The following GPX3 variants were observed in gnomAD, a reference collection of about 807,000 sequenced individuals.
The protein encoded by GPX3 is glutathione peroxidase 3, also known as GPx-3.
Under a neutral mutation model 25.1 loss-of-function variants are expected in GPX3, and 22 were observed. That is an observed-to-expected ratio of 0.88 (90% CI 0.63 to 1.25). GPX3 has a LOEUF of 1.25. Ranked by LOEUF, GPX3 falls within the 50% of genes most tolerant of loss-of-function variation. GPX3 has a pLI of 0.00. For synonymous variants in GPX3, 110 were observed against 114.5 expected, an observed-to-expected ratio of 0.96 and a Z score of 0.25; for missense variants, 278 against 286.6, an observed-to-expected ratio of 0.97 and a Z score of 0.22.
Position 151,022,329 on chromosome 5 carries a change from C to T in GPX3, c.87+1588C>T, listed in dbSNP as rs187146381. 4.8e-3 allele frequency among the ~76,000 whole-genome samples: 730 copies of T among 152,268 alleles called. 9 individuals are homozygous for T. Among genetic ancestry groups the T allele is most frequent in the African/African-American group, 0.017 (714 of 41,532 alleles). On this transcript the variant is annotated intron_variant, in intron 1 of 4. Coordinates refer to ENST00000388825, the MANE Select transcript of GPX3 (RefSeq NM_002084.5). ...ACTCATCATAGCTGTGTCTTCTCTG[C>T]AGCACTCTGGGGAAGGATAAATGGA...
At chr5:151,021,170 C>T (rs1022982854) in intron 1 of GPX3, 58 of 241,502 alleles carry the variant, frequency 2.4e-4, no homozygotes, top group Non-Finnish European at 8.2e-6. Flanking sequence ...GGGAGAGAGA[C>T]AAGGAGAAAG....
chr5:151,026,603 T>G, intron 2 of GPX3: 1 of 320,772 alleles, frequency 3.1e-6, no homozygotes. Context: ...GGGTTCTGAA[T>G]GAGTGCTCTA....
At chr5:151,024,023 C>A (rs1479976680) in intron 1 of GPX3, among the ~76,000 whole-genome samples, 1 of 152,198 alleles carries the variant, frequency 6.6e-6, no homozygotes, top group Non-Finnish European at 1.5e-5. Context: ...CTGGTCAGGC[C>A]CAGGTACCTT....
intron 2 of GPX3, 65 bp from the exon 3 acceptor site, chr5:151,026,835 T>A: frequency 9.1e-7 from 1 of 1,101,922 alleles, no homozygotes; most frequent in Non-Finnish European, 1.3e-6. Context: ...GCCGGGGGAG[T>A]GGTGTGGATG....
Position 151,028,293 on chromosome 5 carries a change from G to T in GPX3, c.*163G>T. On this transcript the variant is annotated 3_prime_UTR_variant, in exon 5 of 5. Transcript: ENST00000388825. ...TGCATACAGTTCTGTGTACTGCCAG[G>T]CATGTGGGTGTGGGTGCATGTGGGT... The T allele has an allele frequency of 3.1e-6, 2 of 653,572 alleles. No homozygotes were observed. Among genetic ancestry groups the T allele is most frequent in the Non-Finnish European group, 5.4e-6 (2 of 373,020 alleles). The allele number at this position is 653,572 out of a possible 1,614,324, so 40.5% of individuals were successfully genotyped here. A position where few individuals can be genotyped will look rare whatever the true frequency, so the allele number is the denominator to read the frequency against.
At position 151,025,883 on chromosome 5, in the gene GPX3, G is replaced by A. The variant is rs1756540108; in HGVS notation, c.241+390G>A. Among the ~76,000 whole-genome samples, 4 of 152,182 alleles carry A rather than the reference G, an allele frequency of 2.6e-5. No individual in the cohort carries two copies. The South Asian group carries it at 6.2e-4, about 24-fold the overall frequency. On this transcript the variant is annotated intron_variant, in intron 2 of 4. Transcript: ENST00000388825. Reference sequence around the variant, plus strand: ...TTGGTGCTTCTCTTGGCAGCTCTCTGGAAAGCAGGCAATTGCCTCGAGGCC... The same window carrying A: ...TTGGTGCTTCTCTTGGCAGCTCTCTAGAAAGCAGGCAATTGCCTCGAGGCC...
chr5:151,021,040 G>A (rs870406), intron 1 of GPX3: 49,180 of 415,042 alleles, frequency 0.12, 3,184 homozygotes, highest in Middle Eastern at 0.2. Flanking sequence ...CCACCTCGAG[G>A]GTCGCCTTGC....
At chr5:151,027,857 G>A (rs1756575097) in intron 4 of GPX3, 52 bp from the exon 5 acceptor site, 2 of 1,454,266 alleles carry the variant, frequency 1.4e-6, no homozygotes, top group Non-Finnish European at 1.9e-6. Flanking sequence ...TGGGAAGGAA[G>A]AGGGTCAGGG....
intron 4 of GPX3, 25 bp from the exon 5 acceptor site, chr5:151,027,884 G>A (rs774633831): frequency 8.1e-6 from 13 of 1,597,918 alleles, no homozygotes; most frequent in Middle Eastern, 3.3e-4. Flanking sequence ...AAGCAAGGTT[G>A]ACACTCCTCT....
Position 151,026,942 on chromosome 5 carries a change from T to C in GPX3, c.284T>C (p.Val95Ala), listed in dbSNP as rs769471948. ...GAAGAGCTTGCACCATTCGGTCTGG[T>C]CATTCTGGGCTTTCCCTGCAACCAA... ...LQEELAPFGLVILGFPCNQFG... is the reference protein window; with the variant it reads ...LQEELAPFGLAILGFPCNQFG... The change falls in exon 3 of 5, where the codon GTC becomes GCC. Residue 95 changes from valine (V) to alanine (A), a missense_variant. Physicochemically the swap from Val to Ala is moderately conservative, Grantham distance 64. Transcript: ENST00000388825. 1 of 1,614,088 alleles carries C rather than the reference T, an allele frequency of 6.2e-7. No individual in the cohort carries two copies.
chr5:151,025,395 T>A lies in GPX3; in HGVS notation c.143T>A (p.Ile48Asn). 1 of 1,612,610 alleles carries A rather than the reference T, an allele frequency of 6.2e-7. No homozygotes were observed. The highest frequency in any genetic ancestry group is 1.3e-5 in the African/African-American group (1 of 74,972). ...GTIYEYGALT[I>N]DGEEYIPFKQ... ...ATTTACGAGTACGGAGCCCTCACCA[T>A]TGATGGGGAGGAGTACATCCCCTTC... Residue 48 changes from isoleucine to asparagine, a missense_variant, in exon 2 of 5, where the codon ATT becomes AAT. Transcript: ENST00000388825.
Position 151,027,547 on chromosome 5 carries a change from C to T in GPX3, c.459+16C>T. On this transcript the variant is annotated intron_variant, in intron 4 of 4. Coordinates refer to ENST00000388825, the MANE Select transcript of GPX3 (RefSeq NM_002084.5). Reference sequence around the variant, plus strand: ...TTTCCTAAAGGTAAGTGAGCTGCCACCTGTGCTGGCTGGGGCTGCAGCCCC... The same window carrying T: ...TTTCCTAAAGGTAAGTGAGCTGCCATCTGTGCTGGCTGGGGCTGCAGCCCC... The T allele has an allele frequency of 6.6e-7, 1 of 1,525,530 alleles. No individual in the cohort carries two copies. Among genetic ancestry groups the T allele is most frequent in the Non-Finnish European group, 9.1e-7 (1 of 1,099,714 alleles). 94.5% of individuals were successfully genotyped at this position (1,525,530 alleles called of 1,614,324 possible). A position where few individuals can be genotyped will look rare whatever the true frequency, so the allele number is the denominator to read the frequency against.
intron 2 of GPX3, chr5:151,026,677 T>C (rs1253559984): frequency 4.4e-6 from 2 of 452,806 alleles, no homozygotes; most frequent in East Asian, 6.9e-5. Context: ...AGGAAGGGTA[T>C]TATTCTTGTC....
rs1756570392 is a variant in GPX3 at position 151,027,523 on chromosome 5, T to G, written c.451T>G (p.Phe151Val). ...AGAGAAAGAGCAGAAATTCTACACTTTCCTAAAGGTAAGTGAGCTGCCACC... is the reference window on the plus strand; with the variant it reads ...AGAGAAAGAGCAGAAATTCTACACTGTCCTAAAGGTAAGTGAGCTGCCACC... ...NGEKEQKFYT[F>V]LKNSCPPTSE... Residue 151 changes from phenylalanine (F) to valine (V), a missense_variant, in exon 4 of 5, where the codon TTC becomes GTC. Coordinates refer to ENST00000388825, the MANE Select transcript of GPX3 (RefSeq NM_002084.5). 1 of 1,607,288 alleles carries G rather than the reference T, an allele frequency of 6.2e-7. No homozygotes were observed. The highest frequency in any genetic ancestry group is 1.3e-5 in the African/African-American group (1 of 74,936).
At chr5:151,027,835 C>G in intron 4 of GPX3, 74 bp from the exon 5 acceptor site, 1 of 1,254,044 alleles carries the variant, frequency 8.0e-7, no homozygotes, top group Non-Finnish European at 1.2e-6. Flanking sequence ...CAGGCTATTC[C>G]CCAGGAAGGC....
chr5:151,025,708 C>T (rs1756538076), intron 2 of GPX3, among the ~76,000 whole-genome samples: 1 of 152,198 alleles, frequency 6.6e-6, no homozygotes, highest in Non-Finnish European at 1.5e-5. Flanking sequence ...TCCTAGTTAT[C>T]CTTCTTCATC....
chr5:151,025,231 T>C, intron 1 of GPX3, 109 bp from the exon 2 acceptor site: 1 of 863,562 alleles, frequency 1.2e-6, no homozygotes, highest in South Asian at 2.2e-5. Context: ...TTCTCGGTGA[T>C]TACTTTGAGA....
chr5:151,022,506 G>A (rs1359544012), intron 1 of GPX3, among the ~76,000 whole-genome samples: 1 of 152,188 alleles, frequency 6.6e-6, no homozygotes, highest in Non-Finnish European at 1.5e-5. Context: ...TCTTAGCTCT[G>A]GGTTAGGACC....
chr5:151,023,786 T>G (rs921932298), intron 1 of GPX3, among the ~76,000 whole-genome samples: 1 of 152,212 alleles, frequency 6.6e-6, no homozygotes, highest in Non-Finnish European at 1.5e-5. Context: ...ATCTTAGGTC[T>G]TGGGCCTGCC....
Sources: allele counts gnomAD v4.1 joint callset (sites outside exome capture counted in the v4.1 genomes callset), GRCh38; gene constraint gnomAD v4.1.1; transcripts MANE v1.5; gene names NCBI Gene and HGNC (gene_info 2026-07-23, HGNC 2026-07-21).